SLC7A2: variants seen among roughly 807,000 people sequenced by gnomAD.
SLC7A2 encodes the protein solute carrier family 7 member 2.
A neutral mutation model predicts 58.9 loss-of-function variants in SLC7A2; 48 were observed. The ratio of observed to expected loss-of-function variants is 0.82; its 90% CI spans 0.65 to 1.04. The LOEUF is 1.04. Among genes scored for constraint, SLC7A2 ranks in the 50% least tolerant of loss-of-function variants. The pLI is 0.00. For synonymous variants in SLC7A2, 363 were observed against 314.5 expected (o/e 1.15, Z -1.63); for missense variants, 1,029 against 818.8 (o/e 1.26, Z -3.13).
intron 7 of SLC7A2, among the ~76,000 whole-genome samples, chr8:17,553,410 TG>T (rs1327390845): frequency 6.6e-6 from 1 of 152,138 alleles, no homozygotes; most frequent in Non-Finnish European, 1.5e-5. Context: ...GAAGATACCG[TG>T]CTACCATGGC....
At chr8:17,527,274 A>G (rs898047387) in intron 2 of SLC7A2, among the ~76,000 whole-genome samples, 2 of 152,186 alleles carry the variant, frequency 1.3e-5, no homozygotes, top group African/African-American at 4.8e-5. Context: ...ATATTTGAGA[A>G]AAAAGACATG....
rs1202563672 is a variant in SLC7A2, at chr8:17,566,419, T to A, written c.*1273T>A. On this transcript the variant is annotated 3_prime_UTR_variant, in exon 13 of 13. Coordinates refer to ENST00000494857, the MANE Select transcript of SLC7A2 (RefSeq NM_001370338.1). ...CTTTGGATCTAATTTGCCTCTGATG[T>A]TTCCTTTGGAAACATTTAGGAATAT... The A allele has an allele frequency of 1.3e-5, 2 of 152,160 alleles. No individual in the cohort carries two copies. The highest frequency in any genetic ancestry group is 4.8e-5 in the African/African-American group (2 of 41,430). The allele number at this position is 152,160 out of a possible 1,614,324, so 9.4% of individuals were successfully genotyped here.
chr8:17,525,408 G>A lies in SLC7A2; in HGVS notation c.-22-17910G>A, dbSNP rs141117983. The stretch of plus-strand genomic sequence containing the variant: ...CTCTAGAATCTGAAACAAGAAAGTG[G>A]CCAAAAATCACAGTGGCAATTATTA... On this transcript the variant is annotated intron_variant, in intron 2 of 12. Transcript: ENST00000494857. Among the ~76,000 whole-genome samples, 409 of 152,170 alleles carry A rather than the reference G, an allele frequency of 2.7e-3. 2 individuals are homozygous for A. The highest frequency in any genetic ancestry group is 6.8e-3 in the Middle Eastern group (2 of 292).
intron 10 of SLC7A2, 84 bp downstream of exon 10, chr8:17,560,617 GC>G (rs371638790): frequency 6.1e-6 from 7 of 1,151,430 alleles, no homozygotes; most frequent in Middle Eastern, 2.8e-4. Flanking sequence ...AGAAAAGAGG[GC>G]CTAACATTGC....
In SLC7A2 at chr8:17,550,400, T is replaced by C. The variant is rs1802392013; in HGVS notation, c.798T>C (p.Tyr266=). ...TGGCTGGTGCTGCAACTTGCTTTTA[T>C]GCCTTTGTGGGATTTGACTGCATTG... ...GTLAGAATCF[Y]AFVGFDCIAT... is the part of the protein sequence containing the mutation. The change falls in exon 6 of 13, where the codon TAT becomes TAC. Residue 266 remains tyrosine, a synonymous_variant. Transcript: ENST00000494857. The C allele has an allele frequency of 3.7e-6, 6 of 1,613,888 alleles. No individual in the cohort carries two copies. Among genetic ancestry groups the C allele is most frequent in the Non-Finnish European group, 5.1e-6 (6 of 1,179,956 alleles).
Position 17,565,327 on chromosome 8 carries a change from A to G in SLC7A2, c.*181A>G. Reference sequence around the variant, plus strand: ...GATGGTGAATTATGTGCACGGGGAAACCTCCTGAGTGGAAGTTTCATTCAT... The same window carrying G: ...GATGGTGAATTATGTGCACGGGGAAGCCTCCTGAGTGGAAGTTTCATTCAT... On this transcript the variant is annotated 3_prime_UTR_variant, in exon 13 of 13. Coordinates refer to ENST00000494857, the MANE Select transcript of SLC7A2 (RefSeq NM_001370338.1). 1 of 570,026 alleles carries G rather than the reference A, an allele frequency of 1.8e-6. No homozygotes were observed. Among genetic ancestry groups the G allele is most frequent in the Non-Finnish European group, 3.1e-6 (1 of 325,754 alleles). The allele number at this position is 570,026 out of a possible 1,614,324, so 35.3% of individuals were successfully genotyped here. A position where few individuals can be genotyped will look rare whatever the true frequency, so the allele number is the denominator to read the frequency against.
intron 1 of SLC7A2, among the ~76,000 whole-genome samples, chr8:17,501,699 C>T (rs916084191): frequency 6.6e-6 from 1 of 151,970 alleles, no homozygotes; most frequent in Non-Finnish European, 1.5e-5. Context: ...TATCCCCATC[C>T]TCCTGCAAAA....
At chr8:17,514,571 G>C (rs765111738) in intron 2 of SLC7A2, among the ~76,000 whole-genome samples, 8 of 151,916 alleles carry the variant, frequency 5.3e-5, no homozygotes, top group Non-Finnish European at 1.0e-4. Context: ...AAGTTGTTCA[G>C]GTTTCCCTTT....
chr8:17,564,896 AG>A, intron 12 of SLC7A2, 53 bp from the exon 13 acceptor site: 2 of 1,406,216 alleles, frequency 1.4e-6, no homozygotes, highest in Non-Finnish European at 1.9e-6. Flanking sequence ...ATAACTTAAA[AG>A]TCATTTTCTG....
chr8:17,512,787 C>T (rs1326313063), intron 2 of SLC7A2, among the ~76,000 whole-genome samples: 1 of 152,092 alleles, frequency 6.6e-6, no homozygotes, highest in African/African-American at 2.4e-5. Flanking sequence ...AATCAGTTTC[C>T]CGTTTCCCCT....
intron 2 of SLC7A2, among the ~76,000 whole-genome samples, chr8:17,532,229 CA>C (rs534441508): frequency 0.018 from 849 of 46,164 alleles, 1 homozygote; most frequent in South Asian, 0.071. Context: ...GACTCTATCT[CA>C]AAAAAAAAAA....
intron 2 of SLC7A2, chr8:17,538,991 A>C: frequency 7.4e-7 from 1 of 1,353,110 alleles, no homozygotes; most frequent in Non-Finnish European, 1.1e-6. Flanking sequence ...ACCTTTACTT[A>C]GGGGAGGAAG....
chr8:17,537,700 G>C (rs1161363436), intron 2 of SLC7A2, among the ~76,000 whole-genome samples: 1 of 152,106 alleles, frequency 6.6e-6, no homozygotes, highest in East Asian at 1.9e-4. Flanking sequence ...TTGGGGAGAG[G>C]GAACAGGTTG....
chr8:17,559,777 A>G (rs2150775220), intron 9 of SLC7A2, among the ~76,000 whole-genome samples: 1 of 152,256 alleles, frequency 6.6e-6, no homozygotes, highest in South Asian at 2.1e-4. Context: ...TGATGTCTTG[A>G]TATAAGCTAT....
intron 2 of SLC7A2, among the ~76,000 whole-genome samples, chr8:17,516,810 A>G (rs1046065104): frequency 3.3e-5 from 5 of 152,222 alleles, no homozygotes; most frequent in African/African-American, 7.2e-5. Flanking sequence ...AAAAACATGG[A>G]TGCCAAGTAT....
intron 2 of SLC7A2, among the ~76,000 whole-genome samples, chr8:17,507,498 G>A (rs997957619): frequency 1.3e-5 from 2 of 152,088 alleles, no homozygotes; most frequent in East Asian, 1.9e-4. Flanking sequence ...ATAGGCATAA[G>A]CCACTGTACC....
At chr8:17,522,489 C>G (rs10110230) in intron 2 of SLC7A2, among the ~76,000 whole-genome samples, 78,594 of 151,940 alleles carry the variant, frequency 0.52, 20,845 homozygotes, top group Middle Eastern at 0.6. Flanking sequence ...CTTGTTTGTA[C>G]CACCCTGATA....
At chr8:17,532,727 T>C (rs1166438562) in intron 2 of SLC7A2, among the ~76,000 whole-genome samples, 1 of 152,184 alleles carries the variant, frequency 6.6e-6, no homozygotes, top group Non-Finnish European at 1.5e-5. Flanking sequence ...TTTTAAAGTA[T>C]TTAAATAAAG....
chr8:17,526,217 T>G (rs1388078411), intron 2 of SLC7A2, among the ~76,000 whole-genome samples: 2 of 152,144 alleles, frequency 1.3e-5, no homozygotes, highest in East Asian at 3.9e-4. Flanking sequence ...GCCATGGGAA[T>G]TCATTTGAGG....
Sources: allele counts gnomAD v4.1 joint callset (sites outside exome capture counted in the v4.1 genomes callset), GRCh38; gene constraint gnomAD v4.1.1; transcripts MANE v1.5; gene names NCBI Gene and HGNC (gene_info 2026-07-23, HGNC 2026-07-21).